Variants in TMED3 observed in about 807,000 individuals in gnomAD.
TMED3 encodes transmembrane p24 trafficking protein 3.
In TMED3, 9 loss-of-function variants were observed where a neutral mutation model predicts 15.0. The observed-to-expected ratio is 0.60, with a 90% CI of 0.36 to 1.04. TMED3 has a LOEUF of 1.04. TMED3 is among the 50% of genes least tolerant of loss of function. TMED3 has a pLI of 0.01. For missense variants in TMED3, 267 were observed against 278.9 expected (o/e 0.96, Z 0.30); for synonymous variants, 117 against 121.4 (o/e 0.96, Z 0.24).
At chr15:79,336,257 T>C (rs1360849968) in intron 2 of TMED3, among the ~76,000 whole-genome samples, 1 of 152,232 alleles carries the variant, frequency 6.6e-6, no homozygotes, top group African/African-American at 2.4e-5. Flanking sequence ...TTCCCCTCTC[T>C]GAACCTCTGT....
intron 2 of TMED3, among the ~76,000 whole-genome samples, chr15:79,362,297 C>T (rs1167319347): frequency 4.7e-5 from 5 of 105,948 alleles, no homozygotes; most frequent in Admixed American, 2.3e-4. Flanking sequence ...GTGATCTTGC[C>T]TCTATAAAAA....
intron 2 of TMED3, among the ~76,000 whole-genome samples, chr15:79,407,520 G>A (rs1893916999): frequency 1.3e-5 from 2 of 152,204 alleles, no homozygotes; most frequent in Non-Finnish European, 2.9e-5. Flanking sequence ...GAGGCAATGA[G>A]GGAAGACGGG....
chr15:79,392,089 A>G lies in TMED3; in HGVS notation c.418-19311A>G, dbSNP rs181489186. On this transcript the variant is annotated intron_variant, in intron 2 of 2. Transcript: ENST00000424155. ...ATTTAGGCAATTTACATGCAATGTTAGTATTGAGATGTGAGGTACCATTCC... is the reference window on the plus strand; with the variant it reads ...ATTTAGGCAATTTACATGCAATGTTGGTATTGAGATGTGAGGTACCATTCC... 1.1e-4 allele frequency among the ~76,000 whole-genome samples: 16 copies of G among 152,328 alleles called. 1 individual carries two copies. Among genetic ancestry groups the G allele is most frequent in the Non-Finnish European group, 1.0e-4 (7 of 68,028 alleles).
intron 2 of TMED3, among the ~76,000 whole-genome samples, chr15:79,353,637 A>T (rs2058907134): frequency 6.6e-6 from 1 of 150,850 alleles, no homozygotes; most frequent in Admixed American, 6.6e-5. Context: ...CTAAAAGATA[A>T]TCATCAAAAT....
intron 2 of TMED3, among the ~76,000 whole-genome samples, chr15:79,386,075 AC>A (rs1893623232): frequency 6.6e-6 from 1 of 152,196 alleles, no homozygotes; most frequent in Non-Finnish European, 1.5e-5. Context: ...GACAGAGAAA[AC>A]AGGCTTAAAG....
Position 79,351,150 on chromosome 15 carries a change from G to A in TMED3, c.417+37145G>A, listed in dbSNP as rs116753850. 3.0e-3 allele frequency among the ~76,000 whole-genome samples: 454 copies of A among 152,252 alleles called. 1 individual carries two copies. Among genetic ancestry groups the A allele is most frequent in the African/African-American group, 0.01 (427 of 41,546 alleles). On this transcript the variant is annotated intron_variant, in intron 2 of 2. Coordinates refer to the TMED3 transcript ENST00000424155. Reference sequence around the variant, plus strand: ...TTTAATAGTTGCCATCATGATAGGAGGCTCAATATTATTTTTAAGTCAAAA... The same window carrying A: ...TTTAATAGTTGCCATCATGATAGGAAGCTCAATATTATTTTTAAGTCAAAA...
chr15:79,383,293 A>G (rs1893568746), intron 2 of TMED3: 1 of 474,124 alleles, frequency 2.1e-6, no homozygotes, highest in Non-Finnish European at 3.8e-6. Context: ...GTTGAAGATT[A>G]TATCTATTTG....
chr15:79,386,425 T>A (rs936010800), intron 2 of TMED3, among the ~76,000 whole-genome samples: 62 of 152,256 alleles, frequency 4.1e-4, no homozygotes, highest in Admixed American at 4.1e-3. Context: ...TTTATGTTAT[T>A]ATATGCTACA....
At chr15:79,335,035 G>T (rs2058822401) in intron 2 of TMED3, among the ~76,000 whole-genome samples, 1 of 152,080 alleles carries the variant, frequency 6.6e-6, no homozygotes, top group African/African-American at 2.4e-5. Flanking sequence ...AAAACAAATG[G>T]AAAACAAAAA....
intron 2 of TMED3, among the ~76,000 whole-genome samples, chr15:79,380,776 C>T (rs1334994636): frequency 1.3e-5 from 2 of 151,950 alleles, no homozygotes; most frequent in East Asian, 1.9e-4. Flanking sequence ...ACATAGGCTC[C>T]GATGTCTCAC....
intron 2 of TMED3, among the ~76,000 whole-genome samples, chr15:79,317,933 G>A (rs761849042): frequency 1.2e-4 from 18 of 152,190 alleles, no homozygotes; most frequent in Non-Finnish European, 1.8e-4. Flanking sequence ...GTGGGATTCC[G>A]ATCTTGCCAA....
chr15:79,409,036 T>A (rs1168593399), intron 2 of TMED3, among the ~76,000 whole-genome samples: 1 of 152,214 alleles, frequency 6.6e-6, no homozygotes, highest in Non-Finnish European at 1.5e-5. Context: ...AAAGCTTGAT[T>A]CCATGATTGC....
At chr15:79,377,644 CTTTTTTTTTTTTT>C (rs71150905) in intron 2 of TMED3, among the ~76,000 whole-genome samples, 1 of 123,620 alleles carries the variant, frequency 8.1e-6, no homozygotes, top group Non-Finnish European at 1.7e-5. Flanking sequence ...ACAAACCGTT[CTTTTTTTTTTTTT>C]TTTTTTTTGA....
chr15:79,332,970 TG>T (rs1567025754), intron 2 of TMED3, among the ~76,000 whole-genome samples: 1 of 152,232 alleles, frequency 6.6e-6, no homozygotes, highest in African/African-American at 2.4e-5. Context: ...CAGGAATGAA[TG>T]GCCCCTGACT....
At chr15:79,340,233 A>C (rs1159538954) in intron 2 of TMED3, among the ~76,000 whole-genome samples, 1 of 152,248 alleles carries the variant, frequency 6.6e-6, no homozygotes, top group Non-Finnish European at 1.5e-5. Context: ...GTTCAACTTT[A>C]CCTCAAGGAT....
intron 2 of TMED3, among the ~76,000 whole-genome samples, chr15:79,380,511 A>ATG (rs1328114062): frequency 6.8e-6 from 1 of 147,224 alleles, no homozygotes; most frequent in African/African-American, 2.5e-5. Flanking sequence ...AGTTATATAT[A>ATG]TAGTTATATA....
chr15:79,381,837 T>C (rs1377029845), intron 2 of TMED3, among the ~76,000 whole-genome samples: 2 of 152,232 alleles, frequency 1.3e-5, no homozygotes, highest in Non-Finnish European at 2.9e-5. Context: ...CTTCCTGTCC[T>C]CAAAGCACCT....
At chr15:79,335,018 T>C (rs1457563710) in intron 2 of TMED3, among the ~76,000 whole-genome samples, 1 of 152,178 alleles carries the variant, frequency 6.6e-6, no homozygotes, top group African/African-American at 2.4e-5. Flanking sequence ...TTGAGAAGAC[T>C]GTCTGAAAAA....
chr15:79,400,964 A>G (rs1389999697), intron 2 of TMED3, among the ~76,000 whole-genome samples: 1 of 152,188 alleles, frequency 6.6e-6, no homozygotes, highest in African/African-American at 2.4e-5. Flanking sequence ...CTAGACCAGG[A>G]ACTGGGTCTC....
Sources: allele counts gnomAD v4.1 joint callset (sites outside exome capture counted in the v4.1 genomes callset), GRCh38; gene constraint gnomAD v4.1.1; transcripts MANE v1.5; gene names NCBI Gene and HGNC (gene_info 2026-07-23, HGNC 2026-07-21).